MAN1A2: variants seen among roughly 807,000 people sequenced by gnomAD.
MAN1A2 encodes mannosyl-oligosaccharide 1,2-alpha-mannosidase IB.
In MAN1A2, 26 loss-of-function variants were observed where a neutral mutation model predicts 75.7. The ratio of observed to expected loss-of-function variants is 0.34; its 90% confidence interval spans 0.25 to 0.48. The LOEUF is 0.48. MAN1A2 is among the 20% of genes least tolerant of loss of function. MAN1A2 has a pLI of 0.99. For synonymous variants in MAN1A2, 247 were observed against 264.6 expected, an observed-to-expected ratio of 0.93 and a Z score of 0.65; for missense variants, 562 against 775.5, an observed-to-expected ratio of 0.72 and a Z score of 3.27.
chr1:117,448,924 C>T (rs1420042727), intron 6 of MAN1A2, among the ~76,000 whole-genome samples: 3 of 151,972 alleles, frequency 2.0e-5, no homozygotes, highest in Non-Finnish European at 1.5e-5. Flanking sequence ...TTGAGCAAGT[C>T]TATCGGGGCT....
intron 11 of MAN1A2, among the ~76,000 whole-genome samples, chr1:117,502,647 A>C (rs1651236567): frequency 6.6e-6 from 1 of 151,758 alleles, no homozygotes; most frequent in Non-Finnish European, 1.5e-5. Flanking sequence ...TTTTGGAGAC[A>C]GAGAAGTTCT....
chr1:117,385,390 C>T (rs913606443), intron 1 of MAN1A2, among the ~76,000 whole-genome samples: 1 of 152,160 alleles, frequency 6.6e-6, no homozygotes, highest in Non-Finnish European at 1.5e-5. Flanking sequence ...TCCTAGATTC[C>T]TGACAGTGCC....
Position 117,496,860 on chromosome 1 carries a change from C to T in MAN1A2, c.1382C>T (p.Ala461Val). ...GHLEKKMGHL[A>V]CFAGGMFALG... ...TTGGAAAAAAAGATGGGGCATTTGG[C>T]CTGCTTTGCTGGGGGAATGTTTGCA... Residue 461 changes from alanine to valine, a missense_variant, in exon 10 of 13, where the codon GCC becomes GTC. Coordinates refer to ENST00000356554, the MANE Select transcript of MAN1A2 (RefSeq NM_006699.5). 1 of 1,612,620 alleles carries T rather than the reference C, an allele frequency of 6.2e-7. No homozygotes were observed. Among genetic ancestry groups the T allele is most frequent in the Non-Finnish European group, 8.5e-7 (1 of 1,179,212 alleles).
chr1:117,420,769 A>C, intron 5 of MAN1A2, 120 bp downstream of exon 5: 1 of 703,548 alleles, frequency 1.4e-6, no homozygotes, highest in Admixed American at 2.6e-5. Flanking sequence ...ACCAGTCTAG[A>C]ACTGGTTGCT....
At chr1:117,439,527 T>C (rs1195586540) in intron 5 of MAN1A2, among the ~76,000 whole-genome samples, 1 of 151,896 alleles carries the variant, frequency 6.6e-6, no homozygotes, top group African/African-American at 2.4e-5. Context: ...AGAGTCTTGC[T>C]CTGTTGCCCA....
chr1:117,425,846 C>T (rs753889981), intron 5 of MAN1A2, among the ~76,000 whole-genome samples: 2 of 152,112 alleles, frequency 1.3e-5, no homozygotes, highest in African/African-American at 2.4e-5. Context: ...GATCAGTTAT[C>T]GTTTAGAACT....
chr1:117,410,658 A>G (rs965376387), intron 3 of MAN1A2, among the ~76,000 whole-genome samples: 2 of 151,718 alleles, frequency 1.3e-5, no homozygotes, highest in African/African-American at 4.8e-5. Flanking sequence ...GAAATGAAGA[A>G]GTAAAACTAT....
At chr1:117,424,876 T>C (rs922684976) in intron 5 of MAN1A2, among the ~76,000 whole-genome samples, 1 of 152,180 alleles carries the variant, frequency 6.6e-6, no homozygotes, top group African/African-American at 2.4e-5. Flanking sequence ...CCCACAGAAA[T>C]GTCTTTAAGA....
In MAN1A2 at chr1:117,493,248, G is replaced by A. The variant is rs1650939784; in HGVS notation, c.1270G>A (p.Asp424Asn). ...KTDHEARKMY[D>N]DAIEAIEKHL... ...AGACCATGAGGCAAGAAAGATGTAT[G>A]ATGATGCTATTGAGGTGATTATTTC... The change falls in exon 9 of 13, where the codon GAT becomes AAT. Residue 424 changes from aspartate (D) to asparagine (N), a missense_variant. Transcript: ENST00000356554. 6.2e-7 allele frequency: 1 copy of A among 1,605,124 alleles called. No individual in the cohort carries two copies. Among genetic ancestry groups the A allele is most frequent in the African/African-American group, 1.3e-5 (1 of 74,698 alleles).
At chr1:117,411,372 A>G (rs1466031185) in intron 3 of MAN1A2, among the ~76,000 whole-genome samples, 3 of 151,812 alleles carry the variant, frequency 2.0e-5, no homozygotes, top group East Asian at 1.9e-4. Flanking sequence ...GGTCAACTGT[A>G]TATTTGTATG....
intron 5 of MAN1A2, among the ~76,000 whole-genome samples, chr1:117,432,394 T>C (rs1648699656): frequency 6.6e-6 from 1 of 152,016 alleles, no homozygotes; most frequent in African/African-American, 2.4e-5. Context: ...GATCAAGAAA[T>C]AACAGAAGAC....
Position 117,526,587 on chromosome 1 carries a change from T to TA in MAN1A2, c.*3635dup, listed in dbSNP as rs1225631411. ...TGCTATATCACTTTAATTGCATAAT[T>TA]AAAAAGCAGTGTTTTATAGAAATGC... On this transcript the variant is annotated 3_prime_UTR_variant, in exon 13 of 13. Transcript: ENST00000356554. The TA allele has an allele frequency of 2.0e-5, 3 of 151,444 alleles. No homozygotes were observed. The highest frequency in any genetic ancestry group is 4.4e-5 in the Non-Finnish European group (3 of 67,650). The allele number at this position is 151,444 out of a possible 1,614,324, so 9.4% of individuals were successfully genotyped here. A position where few individuals can be genotyped will look rare whatever the true frequency, so the allele number is the denominator to read the frequency against.
At chr1:117,398,667 C>G (rs1647297105) in intron 1 of MAN1A2, among the ~76,000 whole-genome samples, 1 of 139,034 alleles carries the variant, frequency 7.2e-6, no homozygotes, top group Non-Finnish European at 1.5e-5. Context: ...GAGGGAGACT[C>G]TATTTCAAAA....
intron 3 of MAN1A2, among the ~76,000 whole-genome samples, chr1:117,407,918 C>G (rs1292861273): frequency 6.6e-6 from 1 of 152,156 alleles, no homozygotes; most frequent in Non-Finnish European, 1.5e-5. Flanking sequence ...ACTCGGATGT[C>G]TTAGAAATAT....
intron 1 of MAN1A2, among the ~76,000 whole-genome samples, chr1:117,392,232 C>T (rs566511638): frequency 1.3e-5 from 2 of 152,156 alleles, no homozygotes; most frequent in East Asian, 3.9e-4. Flanking sequence ...CTTTTGTCTT[C>T]TCTAGCTTCC....
In MAN1A2 at chr1:117,468,962, A is replaced by G. The variant is rs148701426; in HGVS notation, c.1168+2535A>G. On this transcript the variant is annotated intron_variant, in intron 8 of 12. Coordinates refer to ENST00000356554, the MANE Select transcript of MAN1A2 (RefSeq NM_006699.5). ...TGATGTTAGCTTAAAAACATTTTTAAATAAAAAGAGAATCCCATTTTCCAT... is the reference window on the plus strand; with the variant it reads ...TGATGTTAGCTTAAAAACATTTTTAGATAAAAAGAGAATCCCATTTTCCAT... 7.2e-4 allele frequency among the ~76,000 whole-genome samples: 109 copies of G among 152,302 alleles called. 1 individual carries two copies. The highest frequency in any genetic ancestry group is 2.6e-3 in the African/African-American group (108 of 41,586).
intron 4 of MAN1A2, among the ~76,000 whole-genome samples, chr1:117,415,574 A>G (rs1647964790): frequency 6.6e-6 from 1 of 152,194 alleles, no homozygotes; most frequent in South Asian, 2.1e-4. Flanking sequence ...CGTATCTCAA[A>G]GAGAACAATT....
chr1:117,455,359 T>A (rs1570757439), intron 6 of MAN1A2, among the ~76,000 whole-genome samples: 1 of 152,192 alleles, frequency 6.6e-6, no homozygotes, highest in East Asian at 1.9e-4. Flanking sequence ...AGGAAGTGTG[T>A]GTGTTGATTG....
At position 117,525,754 on chromosome 1, in the gene MAN1A2, C is replaced by T. The variant is rs577122819; in HGVS notation, c.*2797C>T. On this transcript the variant is annotated 3_prime_UTR_variant, in exon 13 of 13. Coordinates refer to ENST00000356554, the MANE Select transcript of MAN1A2 (RefSeq NM_006699.5). Reference sequence around the variant, plus strand: ...CCAGATTATTATTATTATTATTATTCAACCAGTATTAAGTTGTTAAAACCA... The same window carrying T: ...CCAGATTATTATTATTATTATTATTTAACCAGTATTAAGTTGTTAAAACCA... The T allele has an allele frequency of 2.0e-5, 3 of 151,544 alleles. No individual in the cohort carries two copies. Among genetic ancestry groups the T allele is most frequent in the East Asian group, 1.9e-4 (1 of 5,166 alleles). The allele number at this position is 151,544 out of a possible 1,614,324, so 9.4% of individuals were successfully genotyped here. A position where few individuals can be genotyped will look rare whatever the true frequency, so the allele number is the denominator to read the frequency against.
Sources: allele counts gnomAD v4.1 joint callset (sites outside exome capture counted in the v4.1 genomes callset), GRCh38; gene constraint gnomAD v4.1.1; transcripts MANE v1.5; gene names NCBI Gene and HGNC (gene_info 2026-07-23, HGNC 2026-07-21).